KIAA0319L: variants seen among roughly 807,000 people sequenced by gnomAD.
KIAA0319L encodes the protein dyslexia-associated protein KIAA0319-like protein.
Under a neutral mutation model 120.1 loss-of-function variants are expected in KIAA0319L, and 55 were observed. The observed-to-expected ratio is 0.46, with a 90% CI of 0.37 to 0.57. KIAA0319L has a LOEUF of 0.57. Among genes scored for constraint, KIAA0319L ranks in the 20% least tolerant of loss-of-function variants. The pLI is 0.00. For missense variants in KIAA0319L, 1,049 were observed against 1,255.3 expected, an observed-to-expected ratio of 0.84 and a Z score of 2.48; for synonymous variants, 398 against 471.9, an observed-to-expected ratio of 0.84 and a Z score of 2.03.
At position 35,474,139 on chromosome 1, in the gene KIAA0319L, C is replaced by T. The variant is rs185951116; in HGVS notation, c.1015+666G>A. On this transcript the variant is annotated intron_variant, in intron 5 of 20. Transcript: ENST00000325722. ...CTATGGGAAACGATGGTCCTTACAA[C>T]GGTCCTGTGAGGATAGGATATAACC... is the stretch of plus-strand genomic sequence containing the variant. 3.3e-3 allele frequency among the ~76,000 whole-genome samples: 505 copies of T among 152,218 alleles called. 6 individuals are homozygous for T. The highest frequency in any genetic ancestry group is 0.012 in the African/African-American group (489 of 41,522).
chr1:35,457,734 C>T (rs1642585524), intron 9 of KIAA0319L, among the ~76,000 whole-genome samples: 1 of 152,140 alleles, frequency 6.6e-6, no homozygotes, highest in African/African-American at 2.4e-5. Flanking sequence ...CAGGGCCAGA[C>T]GTCAGTGAGG....
At chr1:35,460,468 T>C in intron 8 of KIAA0319L, 31 bp from the exon 9 acceptor site, 4 of 1,606,588 alleles carry the variant, frequency 2.5e-6, no homozygotes, top group Non-Finnish European at 2.6e-6. Context: ...AGTTACAACA[T>C]GAGAACGCTT....
intron 3 of KIAA0319L, among the ~76,000 whole-genome samples, chr1:35,498,782 T>G (rs1263541527): frequency 6.6e-6 from 1 of 152,240 alleles, no homozygotes. Context: ...AGGAACATGC[T>G]ATCCTAGTTT....
At chr1:35,554,322 A>T (rs1336503901) in intron 2 of KIAA0319L, 28 bp downstream of exon 2, 1 of 1,506,752 alleles carries the variant, frequency 6.6e-7, no homozygotes, top group East Asian at 2.4e-5. Flanking sequence ...TAAAAAAAAA[A>T]ATCTTAAATC....
intron 4 of KIAA0319L, among the ~76,000 whole-genome samples, chr1:35,476,387 A>C (rs1428030020): frequency 6.6e-6 from 1 of 152,248 alleles, no homozygotes. Context: ...ATGAGACTTC[A>C]AAACTAGGAG....
At position 35,513,267 on chromosome 1, in the gene KIAA0319L, C is replaced by CATATATATAT. The variant is rs1189085625; in HGVS notation, c.143-6142_143-6133dup. Among the ~76,000 whole-genome samples, 15 of 107,444 alleles carry CATATATATAT rather than the reference C, an allele frequency of 1.4e-4. No homozygotes were observed. The East Asian group carries it at 1.7e-3, about 12-fold the overall frequency. The allele number at this position is 107,444 out of a possible 152,430, so 70.5% of individuals were successfully genotyped here. ...ATATATATAAATCATATCTATATAA[C>CATATATATAT]ATATATATATATATATATATATTTT... On this transcript the variant is annotated intron_variant, in intron 2 of 20. Coordinates refer to ENST00000325722, the MANE Select transcript of KIAA0319L (RefSeq NM_024874.5).
intron 2 of KIAA0319L, among the ~76,000 whole-genome samples, chr1:35,553,248 T>C (rs1246486416): frequency 1.3e-5 from 2 of 152,080 alleles, no homozygotes; most frequent in South Asian, 4.1e-4. Context: ...AAGTGATTTT[T>C]CCCTATTCTG....
At chr1:35,534,001 A>G (rs143987106) in intron 2 of KIAA0319L, among the ~76,000 whole-genome samples, 1 of 152,354 alleles carries the variant, frequency 6.6e-6, no homozygotes, top group Non-Finnish European at 1.5e-5. Flanking sequence ...GAAGGACACA[A>G]TCAGGTATTA....
chr1:35,472,934 G>A (rs946454883), intron 5 of KIAA0319L, among the ~76,000 whole-genome samples: 7 of 150,500 alleles, frequency 4.7e-5, no homozygotes, highest in African/African-American at 1.5e-4. Context: ...GATTACAGGC[G>A]CCCACCATCA....
intron 4 of KIAA0319L, among the ~76,000 whole-genome samples, chr1:35,476,178 C>T (rs1570740113): frequency 1.3e-5 from 2 of 152,166 alleles, no homozygotes; most frequent in East Asian, 3.8e-4. Context: ...GCTCAGCACT[C>T]CTGATATTTT....
At chr1:35,451,840 G>C in intron 12 of KIAA0319L, 64 bp from the exon 13 acceptor site, 1 of 1,534,652 alleles carries the variant, frequency 6.5e-7, no homozygotes, top group Non-Finnish European at 8.9e-7. Context: ...CCCTAACTTA[G>C]CAGGAGGAGA....
intron 2 of KIAA0319L, among the ~76,000 whole-genome samples, chr1:35,536,485 CA>C (rs1189295810): frequency 6.6e-6 from 1 of 152,180 alleles, no homozygotes; most frequent in Non-Finnish European, 1.5e-5. Flanking sequence ...AGCCATGCAT[CA>C]CTGATGACAT....
At chr1:35,540,807 T>G (rs2148491634) in intron 2 of KIAA0319L, among the ~76,000 whole-genome samples, 1 of 152,300 alleles carries the variant, frequency 6.6e-6, no homozygotes, top group East Asian at 1.9e-4. Context: ...TCAAACTCCT[T>G]GAAGGGAATC....
intron 2 of KIAA0319L, among the ~76,000 whole-genome samples, chr1:35,550,311 T>C (rs762311398): frequency 2.0e-5 from 3 of 152,202 alleles, no homozygotes; most frequent in African/African-American, 4.8e-5. Context: ...AAATAATCCA[T>C]GAGCTAAATA....
In KIAA0319L at chr1:35,458,182, C is replaced by T. The variant is rs373917290; in HGVS notation, c.1428-1941G>A. On this transcript the variant is annotated intron_variant, in intron 9 of 20. Coordinates refer to ENST00000325722, the MANE Select transcript of KIAA0319L (RefSeq NM_024874.5). ...CGATCTCCTGACCTCATGATCCACC[C>T]GCCTCAGCCTCCCAAAGTGATGGGA... Among the ~76,000 whole-genome samples, 80 of 152,282 alleles carry T rather than the reference C, an allele frequency of 5.3e-4. 1 individual carries two copies. The highest frequency in any genetic ancestry group is 1.9e-3 in the African/African-American group (78 of 41,540).
At chr1:35,460,675 C>T (rs1248073209) in intron 8 of KIAA0319L, among the ~76,000 whole-genome samples, 1 of 152,148 alleles carries the variant, frequency 6.6e-6, no homozygotes, top group Non-Finnish European at 1.5e-5. Context: ...GGTTAAAATA[C>T]TACTGTATGA....
At chr1:35,544,368 CAAAAAAAA>C (rs748228266) in intron 2 of KIAA0319L, among the ~76,000 whole-genome samples, 1 of 53,208 alleles carries the variant, frequency 1.9e-5, no homozygotes, top group Admixed American at 2.1e-4. Flanking sequence ...GACTCAATCT[CAAAAAAAA>C]AAAAAAAAAA....
intron 20 of KIAA0319L, 167 bp downstream of exon 20, chr1:35,440,880 G>A (rs1641158003): frequency 1.5e-6 from 1 of 687,736 alleles, no homozygotes; most frequent in Non-Finnish European, 2.6e-6. Context: ...ATTTTGTCCA[G>A]TGCAGCTCAG....
chr1:35,473,079 C>T (rs1017519027), intron 5 of KIAA0319L, among the ~76,000 whole-genome samples: 1 of 124,134 alleles, frequency 8.1e-6, no homozygotes, highest in Admixed American at 8.0e-5. Context: ...CTGCGCCCAG[C>T]CTTTTTTTTT....
Sources: allele counts gnomAD v4.1 joint callset (sites outside exome capture counted in the v4.1 genomes callset), GRCh38; gene constraint gnomAD v4.1.1; transcripts MANE v1.5; gene names NCBI Gene and HGNC (gene_info 2026-07-23, HGNC 2026-07-21).